BCR: variants seen among roughly 807,000 people sequenced by gnomAD.
BCR encodes BCR activator of RhoGEF and GTPase.
Under a neutral mutation model 138.6 loss-of-function variants are expected in BCR, and 58 were observed. The ratio of observed to expected loss-of-function variants is 0.42; its 90% CI spans 0.34 to 0.52. The LOEUF is 0.52. BCR is among the 20% of genes least tolerant of loss of function. BCR has a pLI of 0.06. For missense variants in BCR, 1,599 were observed against 1,727.2 expected (o/e 0.93, Z 1.32); for synonymous variants, 786 against 730.1 (o/e 1.08, Z -1.23).
At chr22:23,235,540 A>G (rs932871827) in intron 1 of BCR, among the ~76,000 whole-genome samples, 2 of 109,434 alleles carry the variant, frequency 1.8e-5, no homozygotes, top group Admixed American at 9.3e-5. Flanking sequence ...CATGTGTTCC[A>G]CGGCATAATG....
chr22:23,288,747 G>C (rs2073747805), intron 12 of BCR, among the ~76,000 whole-genome samples: 2 of 152,220 alleles, frequency 1.3e-5, no homozygotes, highest in Non-Finnish European at 2.9e-5. Flanking sequence ...GCTCCCTCCT[G>C]TCTGGGGCAG....
At chr22:23,199,784 T>C (rs1249016932) in intron 1 of BCR, among the ~76,000 whole-genome samples, 1 of 152,186 alleles carries the variant, frequency 6.6e-6, no homozygotes, top group Non-Finnish European at 1.5e-5. Context: ...GGAGGGTCAC[T>C]TTATTGAATT....
intron 13 of BCR, 44 bp downstream of exon 13, chr22:23,289,665 C>T: frequency 3.9e-6 from 6 of 1,533,794 alleles, no homozygotes; most frequent in Non-Finnish European, 3.6e-6. Context: ...GCAGGGAGGG[C>T]AGGCAGCTAG....
intron 4 of BCR, among the ~76,000 whole-genome samples, chr22:23,265,831 C>A (rs1278401628): frequency 6.6e-6 from 1 of 152,192 alleles, no homozygotes; most frequent in Non-Finnish European, 1.5e-5. Flanking sequence ...TTGCTAAGAA[C>A]AAGGACATTC....
chr22:23,213,295 C>T (rs370767781), intron 1 of BCR, among the ~76,000 whole-genome samples: 21 of 152,192 alleles, frequency 1.4e-4, no homozygotes, highest in African/African-American at 3.1e-4. Flanking sequence ...GGGATGGCAG[C>T]GTTGCTGACT....
At chr22:23,240,134 C>T (rs1431188843) in intron 1 of BCR, among the ~76,000 whole-genome samples, 1 of 152,070 alleles carries the variant, frequency 6.6e-6, no homozygotes, top group African/African-American at 2.4e-5. Context: ...GACACAGTCA[C>T]ATTGGATTAG....
At chr22:23,247,297 C>T (rs985602135) in intron 1 of BCR, among the ~76,000 whole-genome samples, 2 of 152,198 alleles carry the variant, frequency 1.3e-5, no homozygotes, top group African/African-American at 4.8e-5. Flanking sequence ...GTTTGATCTC[C>T]TTTTACCTTT....
chr22:23,297,210 T>C (rs982102135), intron 16 of BCR, among the ~76,000 whole-genome samples: 1 of 111,408 alleles, frequency 9.0e-6, no homozygotes, highest in African/African-American at 4.2e-5. Context: ...CTAAGTTGTT[T>C]TTTGTTTTTT....
At chr22:23,312,093 G>C (rs2074014162) in intron 19 of BCR, among the ~76,000 whole-genome samples, 1 of 152,250 alleles carries the variant, frequency 6.6e-6, no homozygotes, top group African/African-American at 2.4e-5. Flanking sequence ...TGGCCTTCCT[G>C]CCTTGGGGTT....
intron 1 of BCR, among the ~76,000 whole-genome samples, chr22:23,202,578 C>T (rs149041806): frequency 6.6e-6 from 1 of 152,244 alleles, no homozygotes; most frequent in African/African-American, 2.4e-5. Context: ...AGGAATCTGA[C>T]GACTCTAGAA....
At chr22:23,254,058 T>C (rs1417944828) in intron 2 of BCR, 78 bp downstream of exon 2, 2 of 1,458,888 alleles carry the variant, frequency 1.4e-6, no homozygotes, top group African/African-American at 2.8e-5. Flanking sequence ...CAGGGGTATG[T>C]AGCAGGTAGG....
At position 23,315,600 on chromosome 22, in the gene BCR, C is replaced by A. The variant is rs894052650; in HGVS notation, c.*78C>A. The stretch of plus-strand genomic sequence containing the variant: ...AATCGGGCCATCCGTAGAGCGGGAA[C>A]CTTCCTGAGGTGTCCTTGGGCCACC... On this transcript the variant is annotated 3_prime_UTR_variant, in exon 23 of 23. Transcript: ENST00000305877. 8 of 1,413,560 alleles carry A rather than the reference C, an allele frequency of 5.7e-6. No individual in the cohort carries two copies. The African/African-American group carries it at 8.5e-5, about 15-fold the overall frequency. The allele number at this position is 1,413,560 out of a possible 1,614,324, so 87.6% of individuals were successfully genotyped here.
chr22:23,186,465 T>C (rs1183391874), intron 1 of BCR, among the ~76,000 whole-genome samples: 1 of 152,194 alleles, frequency 6.6e-6, no homozygotes, highest in Non-Finnish European at 1.5e-5. Context: ...TACATTCACA[T>C]TGTTGTACGA....
chr22:23,314,770 G>A (rs1399558601), intron 22 of BCR, 56 bp downstream of exon 22: 1 of 1,600,164 alleles, frequency 6.2e-7, no homozygotes, highest in African/African-American at 1.3e-5. Context: ...GGTGGCCTCT[G>A]CCTGCCCCAC....
At chr22:23,218,948 G>C (rs986305796) in intron 1 of BCR, among the ~76,000 whole-genome samples, 1 of 152,228 alleles carries the variant, frequency 6.6e-6, no homozygotes, top group Non-Finnish European at 1.5e-5. Flanking sequence ...GGGAGGAAGC[G>C]GTGTTTACAG....
intron 4 of BCR, among the ~76,000 whole-genome samples, chr22:23,265,680 A>G (rs1048273499): frequency 6.6e-6 from 1 of 152,196 alleles, no homozygotes; most frequent in East Asian, 1.9e-4. Context: ...GAATGGGGCA[A>G]AGAGCTCTAG....
At chr22:23,203,229 G>C (rs991288542) in intron 1 of BCR, among the ~76,000 whole-genome samples, 2 of 152,158 alleles carry the variant, frequency 1.3e-5, no homozygotes, top group Non-Finnish European at 1.5e-5. Context: ...GATTTACCAG[G>C]TCAGAGAGGT....
intron 1 of BCR, among the ~76,000 whole-genome samples, chr22:23,239,969 A>G (rs1379990398): frequency 1.3e-5 from 2 of 152,044 alleles, no homozygotes; most frequent in Non-Finnish European, 2.9e-5. Flanking sequence ...ACACTTGACC[A>G]CCATACCTGG....
intron 4 of BCR, chr22:23,263,299 G>A: frequency 8.7e-7 from 1 of 1,151,986 alleles, no homozygotes; most frequent in Non-Finnish European, 1.3e-6. Flanking sequence ...GTGTACCGCT[G>A]GCTGTGGCAC....
Sources: gnomAD v4.1 joint callset for allele counts (sites outside exome capture counted in the v4.1 genomes callset) on GRCh38, gnomAD v4.1.1 for gene constraint, MANE v1.5 for transcripts, NCBI Gene and HGNC (gene_info 2026-07-23, HGNC 2026-07-21) for gene names.